CDH2: variants seen among roughly 807,000 people sequenced by gnomAD.
CDH2 encodes the protein cadherin 2, also known as cadherin-2.
Under a neutral mutation model 92.0 loss-of-function variants are expected in CDH2, and 17 were observed. The ratio of observed to expected loss-of-function variants is 0.18; its 90% CI spans 0.13 to 0.28. The LOEUF is 0.28. Ranked by LOEUF, CDH2 falls within the 10% of genes least tolerant of loss-of-function variation. The pLI, the probability that CDH2 is intolerant of heterozygous loss-of-function variation, is 1.00. For missense variants in CDH2, 862 were observed against 1,133.1 expected, an observed-to-expected ratio of 0.76 and a Z score of 3.44; for synonymous variants, 419 against 415.9, an observed-to-expected ratio of 1.01 and a Z score of -0.09.
At chr18:27,971,050 A>T (rs1179148067) in intron 14 of CDH2, among the ~76,000 whole-genome samples, 1 of 152,192 alleles carries the variant, frequency 6.6e-6, no homozygotes, top group Non-Finnish European at 1.5e-5. Flanking sequence ...AGCCTGACCA[A>T]CATGGTGAAA....
At chr18:28,024,669 T>A (rs922332920) in intron 2 of CDH2, among the ~76,000 whole-genome samples, 1 of 151,724 alleles carries the variant, frequency 6.6e-6, no homozygotes, top group African/African-American at 2.4e-5. Flanking sequence ...TTTCTGGAAC[T>A]TACTGTTCTC....
chr18:28,014,288 C>T (rs2013181899), intron 2 of CDH2, among the ~76,000 whole-genome samples: 1 of 152,106 alleles, frequency 6.6e-6, no homozygotes. Context: ...AACAAACCCC[C>T]TTTTTCTCAG....
At position 27,951,966 on chromosome 18, in the gene CDH2, T is replaced by C. The variant is rs1479919546; in HGVS notation, c.*187A>G. 1.7e-6 allele frequency: 1 copy of C among 595,516 alleles called. No individual in the cohort carries two copies. Among genetic ancestry groups the C allele is most frequent in the African/African-American group, 1.9e-5 (1 of 53,696 alleles). 36.9% of individuals were successfully genotyped at this position (595,516 alleles called of 1,614,324 possible). Reference sequence around the variant, plus strand: ...AAAATTCAAGTGTAACTGAGCTCAGTGTTTTTCCAAACAGTATGGATCACT... The same window carrying C: ...AAAATTCAAGTGTAACTGAGCTCAGCGTTTTTCCAAACAGTATGGATCACT... On this transcript the variant is annotated 3_prime_UTR_variant, in exon 16 of 16. Coordinates refer to ENST00000269141, the MANE Select transcript of CDH2 (RefSeq NM_001792.5).
At chr18:28,018,244 CA>C (rs2013308519) in intron 2 of CDH2, among the ~76,000 whole-genome samples, 1 of 149,374 alleles carries the variant, frequency 6.7e-6, no homozygotes, top group Admixed American at 6.7e-5. Context: ...ATGACACAAA[CA>C]AATGGAAACA....
At chr18:28,151,825 T>G (rs1360150275) in intron 1 of CDH2, among the ~76,000 whole-genome samples, 1 of 152,176 alleles carries the variant, frequency 6.6e-6, no homozygotes, top group Non-Finnish European at 1.5e-5. Context: ...AAGGGTAAAC[T>G]AAGTATTTCA....
chr18:27,971,366 T>C (rs138247792), intron 14 of CDH2, among the ~76,000 whole-genome samples: 85 of 150,204 alleles, frequency 5.7e-4, no homozygotes, highest in African/African-American at 1.9e-3. Flanking sequence ...ATCTTTATCA[T>C]TGTTATTAGT....
chr18:27,947,668 ATATAAG>A (rs1426190190), downstream of CDH2, among the ~76,000 whole-genome samples: 15 of 151,822 alleles, frequency 9.9e-5, no homozygotes, highest in Admixed American at 2.6e-4. Flanking sequence ...AGTATATGTG[ATATAAG>A]TATATGTGAT....
In CDH2 at chr18:28,011,903, G is replaced by A; in HGVS notation, c.489C>T (p.Ile163=). The change falls in exon 4 of 16, where the codon ATC becomes ATT. Residue 163 remains isoleucine, a synonymous_variant. Coordinates refer to ENST00000269141, the MANE Select transcript of CDH2 (RefSeq NM_001792.5). ...AGTTTTCTGGCAAGTTGATTGGAGG[G>A]ATGACCCAGTCTCTCTTCTGCCTTT... The part of the protein sequence containing the change: ...HLQRQKRDWV[I]PPINLPENSR... The A allele has an allele frequency of 6.2e-7, 1 of 1,613,992 alleles. No individual in the cohort carries two copies. The highest frequency in any genetic ancestry group is 8.5e-7 in the Non-Finnish European group (1 of 1,179,898).
chr18:27,950,498 C>G (rs1909391737), downstream of CDH2, among the ~76,000 whole-genome samples: 1 of 152,106 alleles, frequency 6.6e-6, no homozygotes, highest in South Asian at 2.1e-4. Flanking sequence ...GTGTGTTTCA[C>G]TAAGTACATA....
At chr18:28,007,165 A>AATATATATATATATATATATATATAT (rs1555632742) in intron 5 of CDH2, among the ~76,000 whole-genome samples, 1 of 110,450 alleles carries the variant, frequency 9.1e-6, no homozygotes, top group African/African-American at 4.4e-5. Context: ...ATAAAAAAAA[A>AATATATATATATATATATATATATAT]ATATATATAT....
chr18:27,998,672 C>T (rs1157051411), intron 7 of CDH2, among the ~76,000 whole-genome samples: 2 of 152,140 alleles, frequency 1.3e-5, no homozygotes, highest in African/African-American at 4.8e-5. Flanking sequence ...ACTGCAGTGG[C>T]ACGATTATGG....
chr18:27,974,660 A>G (rs1012616156), intron 14 of CDH2, among the ~76,000 whole-genome samples: 2 of 152,180 alleles, frequency 1.3e-5, no homozygotes, highest in Non-Finnish European at 2.9e-5. Flanking sequence ...ATACAATAGT[A>G]TTAAGAAGTG....
chr18:27,954,734 G>C (rs1379561585), intron 15 of CDH2: 1 of 152,160 alleles, frequency 6.6e-6, no homozygotes, highest in African/African-American at 2.4e-5. Flanking sequence ...CATTTTGTTT[G>C]TGTTTATTCA....
At chr18:27,942,821 A>C (rs1909175541) in intron 6 of CDH2, among the ~76,000 whole-genome samples, 1 of 152,122 alleles carries the variant, frequency 6.6e-6, no homozygotes, top group African/African-American at 2.4e-5. Context: ...TATGAACGAG[A>C]TTGTCCATAG....
chr18:28,064,864 T>C (rs1174333223), intron 2 of CDH2, among the ~76,000 whole-genome samples: 1 of 152,128 alleles, frequency 6.6e-6, no homozygotes, highest in Non-Finnish European at 1.5e-5. Flanking sequence ...CCTAGGACAC[T>C]TAACATAATT....
chr18:28,110,425 A>G (rs1018147712), intron 2 of CDH2, among the ~76,000 whole-genome samples: 1 of 152,178 alleles, frequency 6.6e-6, no homozygotes, highest in Non-Finnish European at 1.5e-5. Flanking sequence ...AAATTTAGGA[A>G]AAAGGGAGTA....
intron 2 of CDH2, among the ~76,000 whole-genome samples, chr18:28,059,345 T>TAC (rs1422674734): frequency 6.6e-6 from 1 of 152,146 alleles, no homozygotes; most frequent in Non-Finnish European, 1.5e-5. Context: ...AAGGGGGAAA[T>TAC]ACCATTGATT....
At chr18:28,174,654 G>T (rs1161705529) in intron 1 of CDH2, among the ~76,000 whole-genome samples, 3 of 152,148 alleles carry the variant, frequency 2.0e-5, no homozygotes, top group African/African-American at 7.2e-5. Flanking sequence ...AAACACTTAA[G>T]AAAAAACTGA....
At chr18:27,963,280 C>T in intron 15 of CDH2, 77 bp downstream of exon 15, 1 of 1,360,420 alleles carries the variant, frequency 7.4e-7, no homozygotes, top group South Asian at 1.3e-5. Flanking sequence ...GTATTCCAAG[C>T]AATTTGTGGC....
Sources: allele counts gnomAD v4.1 joint callset (sites outside exome capture counted in the v4.1 genomes callset), GRCh38; gene constraint gnomAD v4.1.1; transcripts MANE v1.5; gene names NCBI Gene and HGNC (gene_info 2026-07-23, HGNC 2026-07-21).